ATAD3B: variants seen among roughly 807,000 people sequenced by gnomAD.
ATAD3B encodes ATPase family AAA domain-containing protein 3B.
In ATAD3B, 59 loss-of-function variants were observed where a neutral mutation model predicts 70.2. The ratio of observed to expected loss-of-function variants is 0.84; its 90% CI spans 0.68 to 1.04. The LOEUF is 1.04. Ranked by LOEUF, ATAD3B falls within the 50% of genes least tolerant of loss-of-function variation. The pLI is 0.00. For synonymous variants in ATAD3B, 423 were observed against 388.6 expected (o/e 1.09, Z -1.04); for missense variants, 961 against 913.4 (o/e 1.05, Z -0.67).
chr1:1,496,216 CTA>C lies in ATAD3B; in HGVS notation c.*401_*402del. The C allele has an allele frequency of 9.9e-7, 1 of 1,009,916 alleles. No individual in the cohort carries two copies. Among genetic ancestry groups the C allele is most frequent in the Non-Finnish European group, 1.2e-6 (1 of 845,732 alleles). The allele number at this position is 1,009,916 out of a possible 1,614,324, so 62.6% of individuals were successfully genotyped here. A position where few individuals can be genotyped will look rare whatever the true frequency, so the allele number is the denominator to read the frequency against. On this transcript the variant is annotated 3_prime_UTR_variant, in exon 16 of 16. Coordinates refer to ENST00000673477, the MANE Select transcript of ATAD3B (RefSeq NM_031921.6). ...ACAGGTGCCTCACCGCCGTGTCTCT[CTA>C]TTGACTGACACTGCTCGGGGTTTCA...
intron 15 of ATAD3B, among the ~76,000 whole-genome samples, chr1:1,493,883 C>T (rs1338246589): frequency 6.6e-6 from 1 of 151,856 alleles, no homozygotes; most frequent in African/African-American, 2.4e-5. Context: ...CCTGCCATTT[C>T]TCTTGTGGTG....
chr1:1,496,572 CCTGGGTGCCCTGGGGCTGGGTCA>C lies in ATAD3B; in HGVS notation c.*761_*783del. 1 of 151,984 alleles carries C rather than the reference CCTGGGTGCCCTGGGGCTGGGTCA, an allele frequency of 6.6e-6. No homozygotes were observed. The highest frequency in any genetic ancestry group is 1.5e-5 in the Non-Finnish European group (1 of 68,086). 9.4% of individuals were successfully genotyped at this position (151,984 alleles called of 1,614,324 possible). On this transcript the variant is annotated 3_prime_UTR_variant, in exon 16 of 16. Transcript: ENST00000673477. Reference sequence around the variant, plus strand: ...CGCAGTCGGCCACTGCAGCCTCGGTCCTGGGTGCCCTGGGGCTGGGTCACTGGGGGCCACAGGCCACACTGGGA... The same window carrying C: ...CGCAGTCGGCCACTGCAGCCTCGGTCCTGGGGGCCACAGGCCACACTGGGA...
chr1:1,485,160 C>A lies in ATAD3B; in HGVS notation c.895C>A (p.His299Asn). Residue 299 changes from histidine to asparagine, a missense_variant, in exon 8 of 16, where the codon CAC becomes AAC. Physicochemically the swap from His to Asn is moderately conservative, Grantham distance 68. This residue lies in a region of ATAD3B where 349 missense variants were observed against 307.5 expected (regional missense o/e 1.14). Coordinates refer to ENST00000673477, the MANE Select transcript of ATAD3B (RefSeq NM_031921.6). Reference sequence around the variant, plus strand: ...CATCACGGTGCTGGAGGCGCTGCGGCACCCCATCCAGGTAGCGGCGCAGGC... The same window carrying A: ...CATCACGGTGCTGGAGGCGCTGCGGAACCCCATCCAGGTAGCGGCGCAGGC... ...SRITVLEALR[H>N]PIQVSRRLLS... 1 of 1,610,418 alleles carries A rather than the reference C, an allele frequency of 6.2e-7. No homozygotes were observed.
chr1:1,489,951 C>T, intron 13 of ATAD3B: 4 of 1,257,544 alleles, frequency 3.2e-6, no homozygotes, highest in Non-Finnish European at 3.0e-6. Context: ...CACAGCGGGG[C>T]TCAGGTAGCA....
intron 1 of ATAD3B, 59 bp downstream of exon 1, chr1:1,472,148 G>A (rs1038003865): frequency 3.1e-6 from 4 of 1,273,206 alleles, no homozygotes; most frequent in Non-Finnish European, 4.0e-6. Flanking sequence ...GGGGAAGCGG[G>A]AGCCCTGGCC....
At position 1,479,584 on chromosome 1, in the gene ATAD3B, C is replaced by T. The variant is rs533824309; in HGVS notation, c.444+476C>T. On this transcript the variant is annotated intron_variant, in intron 4 of 15. Transcript: ENST00000673477. ...CCCGCCACAACACAGGCACACATAC[C>T]CCTGCACACAGGCCTGCACATACAC... Among the ~76,000 whole-genome samples, 105 of 145,834 alleles carry T rather than the reference C, an allele frequency of 7.2e-4. 13 individuals carry two copies. The highest frequency in any genetic ancestry group is 2.6e-3 in the African/African-American group (100 of 38,928).
At position 1,478,721 on chromosome 1, in the gene ATAD3B, C is replaced by T. The variant is rs1161853796; in HGVS notation, c.360C>T (p.Ser120=). The change falls in exon 3 of 16, where the codon AGC becomes AGT. Residue 120 remains serine, a synonymous_variant. Coordinates refer to ENST00000673477, the MANE Select transcript of ATAD3B (RefSeq NM_031921.6). The part of the protein sequence containing the change: ...AQAEERRKTL[S]EETRQHQARA... ...CTGAGGAGAGGAGGAAGACCCTGAG[C>T]GAGGAGACCCGGCAGCACCAGGCCG... 9.2e-6 allele frequency: 14 copies of T among 1,527,674 alleles called. No homozygotes were observed. Among genetic ancestry groups the T allele is most frequent in the African/African-American group, 4.3e-5 (3 of 69,022 alleles). The allele number at this position is 1,527,674 out of a possible 1,614,324, so 94.6% of individuals were successfully genotyped here. A position where few individuals can be genotyped will look rare whatever the true frequency, so the allele number is the denominator to read the frequency against.
intron 13 of ATAD3B, 113 bp from the exon 14 acceptor site, chr1:1,490,144 G>T: frequency 6.7e-7 from 1 of 1,492,352 alleles, no homozygotes; most frequent in East Asian, 2.3e-5. Flanking sequence ...CTCACAAGCT[G>T]CCGCTTTAGA....
rs576269564 is a variant in ATAD3B at position 1,496,106 on chromosome 1, C to T, written c.*289C>T. The stretch of plus-strand genomic sequence containing the variant: ...AGCCATGGCCAGGGGCCACGGAACC[C>T]GGCAGGGGTGTCTGAGGCCGCCCTG... On this transcript the variant is annotated 3_prime_UTR_variant, in exon 16 of 16. Coordinates refer to ENST00000673477, the MANE Select transcript of ATAD3B (RefSeq NM_031921.6). 1.5e-5 allele frequency: 18 copies of T among 1,173,474 alleles called. No individual in the cohort carries two copies. Among genetic ancestry groups the T allele is most frequent in the African/African-American group, 1.2e-4 (8 of 64,196 alleles). The allele number at this position is 1,173,474 out of a possible 1,614,324, so 72.7% of individuals were successfully genotyped here. A position where few individuals can be genotyped will look rare whatever the true frequency, so the allele number is the denominator to read the frequency against.
rs145022716 is a variant in ATAD3B, at chr1:1,482,392, C to T, written c.680+89C>T. 18,606 of 1,581,280 alleles carry T rather than the reference C, an allele frequency of 0.012. 433 individuals are homozygous for T. The highest frequency in any genetic ancestry group is 0.035 in the South Asian group (3,022 of 86,752). On this transcript the variant is annotated intron_variant, in intron 6 of 15. Coordinates refer to ENST00000673477, the MANE Select transcript of ATAD3B (RefSeq NM_031921.6). ...CAGGGCGCTCTCCAGCTCTTCCAGG[C>T]CTGGCCGCCATAGGCTGACTCCTTG...
the ATAD3B span, chr1:1,503,525 GC>G: frequency 6.5e-6 from 10 of 1,542,582 alleles, no homozygotes; most frequent in East Asian, 2.4e-4. Context: ...CTGGTGTGGT[GC>G]CTGCCCAGCG....
At chr1:1,498,608 T>C (rs146962662), downstream of ATAD3B, among the ~76,000 whole-genome samples, 4,104 of 151,840 alleles carry the variant, frequency 0.027, 217 homozygotes, top group African/African-American at 0.093. Context: ...GGGTCTCTCT[T>C]TGTTGCCTAG....
intron 2 of ATAD3B, 96 bp downstream of exon 2, chr1:1,477,446 G>C: frequency 1.9e-6 from 3 of 1,572,956 alleles, no homozygotes; most frequent in Non-Finnish European, 2.6e-6. Context: ...GGCCAGGGGC[G>C]TGTACATGGG....
Position 1,482,232 on chromosome 1 carries a change from T to C in ATAD3B, c.609T>C (p.Asn203=), listed in dbSNP as rs139351654. 306 of 1,611,518 alleles carry C rather than the reference T, an allele frequency of 1.9e-4. 3 individuals carry two copies. The African/African-American group carries it at 3.8e-3, about 20-fold the overall frequency. The change falls in exon 6 of 16, where the codon AAT becomes AAC. Residue 203 remains asparagine, a synonymous_variant. Coordinates refer to ENST00000673477, the MANE Select transcript of ATAD3B (RefSeq NM_031921.6). ...ARARAKAERE[N]ADIIREQIRL... ...CGCGCGCCAAGGCCGAGCGGGAGAA[T>C]GCAGACATCATCCGCGAGCAGATCC...
At chr1:1,484,029 T>C (rs1342456493) in intron 7 of ATAD3B, 1 of 152,142 alleles carries the variant, frequency 6.6e-6, no homozygotes, top group Non-Finnish European at 1.5e-5. Context: ...CACAGCCATG[T>C]GCGACCTGGG....
the ATAD3B span, among the ~76,000 whole-genome samples, chr1:1,502,864 G>A: frequency 9.9e-5 from 15 of 151,410 alleles, no homozygotes; most frequent in African/African-American, 3.6e-4. Flanking sequence ...TTGCGAGTTT[G>A]GGATTTTCAT....
At chr1:1,508,714 T>C in the ATAD3B span, among the ~76,000 whole-genome samples, 2 of 151,096 alleles carry the variant, frequency 1.3e-5, no homozygotes, top group African/African-American at 5.0e-5. Context: ...TGCCAAGCCC[T>C]GTGCCCAGGA....
At chr1:1,501,842 G>A (rs1640952211), downstream of ATAD3B, among the ~76,000 whole-genome samples, 1 of 152,072 alleles carries the variant, frequency 6.6e-6, no homozygotes, top group Admixed American at 6.6e-5. Context: ...TGGCCTCCAT[G>A]CCTTTGGGTA....
chr1:1,494,489 G>A (rs1257823840), intron 15 of ATAD3B, among the ~76,000 whole-genome samples: 7 of 151,332 alleles, frequency 4.6e-5, no homozygotes, highest in African/African-American at 1.5e-4. Flanking sequence ...GTGGCGGTCC[G>A]GCTCTGGTCA....
Sources: allele counts gnomAD v4.1 joint callset (sites outside exome capture counted in the v4.1 genomes callset), GRCh38; gene constraint gnomAD v4.1.1; regional missense constraint gnomAD v4.1.1; transcripts MANE v1.5; gene names NCBI Gene and HGNC (gene_info 2026-07-23, HGNC 2026-07-21).